ROBO4: variants seen among roughly 807,000 people sequenced by gnomAD.
ROBO4 encodes roundabout guidance receptor 4, also known as roundabout homolog 4.
A neutral mutation model predicts 103.3 loss-of-function variants in ROBO4; 80 were observed. The observed-to-expected ratio is 0.77, with a 90% CI of 0.65 to 0.93. ROBO4 has a LOEUF of 0.93. Ranked by LOEUF, ROBO4 falls within the 40% of genes least tolerant of loss-of-function variation. ROBO4 has a pLI of 0.00. For missense variants in ROBO4, 1,333 were observed against 1,305.3 expected (o/e 1.02, Z -0.33); for synonymous variants, 504 against 529.7 (o/e 0.95, Z 0.67).
chr11:124,896,942 C>T lies in ROBO4; in HGVS notation c.390G>A (p.Leu130=), dbSNP rs752522650. ...CCTCCCAGGCCTCACCAGCCACAGA[C>T]AGCCGAGCGCCTCTGCTGACTGCCG... ...LGTAVSRGAR[L]SVAVLREDFQ... Residue 130 remains leucine, a synonymous_variant, in exon 2 of 18, where the codon CTG becomes CTA. Transcript: ENST00000306534. 13 of 1,612,430 alleles carry T rather than the reference C, an allele frequency of 8.1e-6. No individual in the cohort carries two copies. The African/African-American group carries it at 1.1e-4, about 13-fold the overall frequency.
In ROBO4 at chr11:124,887,143, A is replaced by G; in HGVS notation, c.2269T>C (p.Cys757Arg). The change falls in exon 15 of 18, where the codon TGC (cysteine) becomes CGC (arginine). Residue 757 changes from cysteine (C) to arginine (R), a missense_variant. Coordinates refer to ENST00000306534, the MANE Select transcript of ROBO4 (RefSeq NM_019055.6). ...GAGGCCTGGGGGCTAGGGGGACTGC[A>G]GGGGCTAAGGATGGGGATGGGGGCT... The part of the protein sequence containing the change: ...PAAPIPILSP[C>R]SPPSPQASSL... 6.2e-7 allele frequency: 1 copy of G among 1,610,684 alleles called. No individual in the cohort carries two copies. Among genetic ancestry groups the G allele is most frequent in the Non-Finnish European group, 8.5e-7 (1 of 1,177,910 alleles).
At position 124,887,843 on chromosome 11, in the gene ROBO4, G is replaced by T; in HGVS notation, c.1949-3C>A. 2 of 1,611,070 alleles carry T rather than the reference G, an allele frequency of 1.2e-6. No homozygotes were observed. Among genetic ancestry groups the T allele is most frequent in the Non-Finnish European group, 1.7e-6 (2 of 1,178,932 alleles). On this transcript the variant is annotated splice_region_variant and splice_polypyrimidine_tract_variant and intron_variant, in intron 12 of 17. Transcript: ENST00000306534. ...GGAACTGTTGGCATGCTGCAGCTCT[G>T]CAAAGAAAGGGTTGGTGGTTGTGGG...
Position 124,894,362 on chromosome 11 carries a change from C to A in ROBO4, c.1157G>T (p.Ser386Ile). 1 of 1,611,848 alleles carries A rather than the reference C, an allele frequency of 6.2e-7. No homozygotes were observed. Among genetic ancestry groups the A allele is most frequent in the Non-Finnish European group, 8.5e-7 (1 of 1,179,300 alleles). ...NGIIRGYQVW[S>I]LGNTSLPPAN... is the part of the protein sequence containing the mutation. ...TGGTGGCAGTGATGTGTTGCCCAGG[C>A]TCCAGACCTGAGGCACAAGCAGAGG... Residue 386 changes from serine to isoleucine, a missense_variant, in exon 8 of 18, where the codon AGC becomes ATC. Physicochemically the swap from Ser to Ile is moderately radical, Grantham distance 142. Transcript: ENST00000306534.
chr11:124,885,127 A>G lies in ROBO4; in HGVS notation c.2915T>C (p.Leu972Pro). Residue 972 changes from leucine (L) to proline (P), a missense_variant, in exon 17 of 18, where the codon CTG becomes CCG. Transcript: ENST00000306534. ...EDMEVSHTQR[L>P]GRGMPPWPPD... ...GGGCCAGGGAGGCATCCCCCTTCCC[A>G]GCCGCTGGGTGTGGCTGACCTCCAT... is the stretch of plus-strand genomic sequence containing the variant. 1 of 1,614,132 alleles carries G rather than the reference A, an allele frequency of 6.2e-7. No individual in the cohort carries two copies.
chr11:124,887,990 C>T, intron 12 of ROBO4, 150 bp from the exon 13 acceptor site: 1 of 636,182 alleles, frequency 1.6e-6, no homozygotes, highest in South Asian at 2.1e-5. Flanking sequence ...TCCACACCCC[C>T]ATCTTCATCC....
Position 124,895,667 on chromosome 11 carries a change from G to A in ROBO4, c.826C>T (p.Pro276Ser). 1 of 1,612,826 alleles carries A rather than the reference G, an allele frequency of 6.2e-7. No individual in the cohort carries two copies. The highest frequency in any genetic ancestry group is 8.5e-7 in the Non-Finnish European group (1 of 1,179,016). Reference protein sequence around the residue: ...LSWKVSGPAAPAQSYTALFRT... With the variant: ...LSWKVSGPAASAQSYTALFRT... ...AACAAGGCCGTGTAAGATTGGGCAG[G>A]CGCAGCAGGGCCACTGACCTGGGAA... The change falls in exon 6 of 18, where the codon CCT becomes TCT. Residue 276 changes from proline to serine, a missense_variant. Pro to Ser is a moderately conservative substitution (Grantham distance 74). Coordinates refer to ENST00000306534, the MANE Select transcript of ROBO4 (RefSeq NM_019055.6).
chr11:124,895,526 C>T lies in ROBO4; in HGVS notation c.967G>A (p.Val323Met). Reference protein sequence around the residue: ...LHWGQDYEFKVRPSSGRARGP... With the variant: ...LHWGQDYEFKMRPSSGRARGP... ...CGAGCCCGGCCAGAGGATGGTCTCACTTTGAACTCGTAGTCTTGGCCCCAG... is the reference window on the plus strand; with the variant it reads ...CGAGCCCGGCCAGAGGATGGTCTCATTTTGAACTCGTAGTCTTGGCCCCAG... Residue 323 changes from valine (V) to methionine (M), a missense_variant, in exon 6 of 18, where the codon GTG becomes ATG. Val to Met is a conservative substitution (Grantham distance 21, BLOSUM62 1). Transcript: ENST00000306534. 6.2e-7 allele frequency: 1 copy of T among 1,612,146 alleles called. No homozygotes were observed. The highest frequency in any genetic ancestry group is 8.5e-7 in the Non-Finnish European group (1 of 1,180,022).
chr11:124,891,774 C>G lies in ROBO4; in HGVS notation c.1576G>C (p.Ala526Pro). The G allele has an allele frequency of 6.2e-7, 1 of 1,614,064 alleles. No individual in the cohort carries two copies. Among genetic ancestry groups the G allele is most frequent in the Non-Finnish European group, 8.5e-7 (1 of 1,180,010 alleles). ...CCAGAGGTGGAACGCCAAGTGTCTG[C>G]CAACCACTGGGAGTCACTGTGATCC... is the stretch of plus-strand genomic sequence containing the variant. ...RMDHSDSQWL[A>P]DTWRSTSGSR... is the part of the protein sequence containing the mutation. The change falls in exon 11 of 18, where the codon GCA becomes CCA. Residue 526 changes from alanine (A) to proline (P), a missense_variant. Coordinates refer to ENST00000306534, the MANE Select transcript of ROBO4 (RefSeq NM_019055.6).
At position 124,897,257 on chromosome 11, in the gene ROBO4, G is replaced by T; in HGVS notation, c.75C>A (p.Gly25=). 6.9e-7 allele frequency: 1 copy of T among 1,440,866 alleles called. No individual in the cohort carries two copies. Among genetic ancestry groups the T allele is most frequent in the Non-Finnish European group, 9.1e-7 (1 of 1,097,986 alleles). The allele number at this position is 1,440,866 out of a possible 1,614,324, so 89.3% of individuals were successfully genotyped here. Residue 25 remains glycine (G), a synonymous_variant, in exon 2 of 18, where the codon GGC becomes GGA. Transcript: ENST00000306534. ...LPLLLLLIMG[G]MAQDSPPQIL... ...TCTGGGGCGGGGAGTCCTGAGCCAT[G>T]CCTCCTGGGAGGGAAAGGGAGCAGA...
Position 124,884,537 on chromosome 11 carries a change from A to G in ROBO4, c.*354T>C. On this transcript the variant is annotated 3_prime_UTR_variant, in exon 18 of 18. Transcript: ENST00000306534. ...AGCCACTGCTGTCCTCCACAAAGGC[A>G]CCTCTGGCTCCTCCACTTCCTGTGA... The G allele has an allele frequency of 2.9e-6, 1 of 349,092 alleles. No homozygotes were observed. The highest frequency in any genetic ancestry group is 4.5e-5 in the South Asian group (1 of 22,124). The allele number at this position is 349,092 out of a possible 1,614,324, so 21.6% of individuals were successfully genotyped here.
At chr11:124,894,493 C>T in intron 7 of ROBO4, 124 bp from the exon 8 acceptor site, 1 of 896,126 alleles carries the variant, frequency 1.1e-6, no homozygotes, top group East Asian at 2.7e-5. Context: ...GGAATGCACC[C>T]AATTTCCTAT....
chr11:124,896,294 C>A lies in ROBO4; in HGVS notation c.583G>T (p.Ala195Ser). The change falls in exon 4 of 18, where the codon GCA becomes TCA. Residue 195 changes from alanine to serine, a missense_variant. Ala to Ser is a moderately conservative substitution (Grantham distance 99). Coordinates refer to ENST00000306534, the MANE Select transcript of ROBO4 (RefSeq NM_019055.6). The part of the protein sequence containing the change: ...HTVSGGSLLM[A>S]RAEKSDEGTY... ...CCTTCGTCACTCTTCTCTGCTCTTG[C>A]CATCAGCAGGGACCCCCCGGACACC... 6.2e-7 allele frequency: 1 copy of A among 1,614,144 alleles called. No individual in the cohort carries two copies. The highest frequency in any genetic ancestry group is 8.5e-7 in the Non-Finnish European group (1 of 1,180,026).
rs941234164 is a variant in ROBO4 at position 124,894,994 on chromosome 11, A to G, written c.1149+87T>C. 1.9e-5 allele frequency: 19 copies of G among 1,022,490 alleles called. No homozygotes were observed. The Admixed American group carries it at 2.7e-4, about 15-fold the overall frequency. 63.3% of individuals were successfully genotyped at this position (1,022,490 alleles called of 1,614,324 possible). On this transcript the variant is annotated intron_variant, in intron 7 of 17. Coordinates refer to ENST00000306534, the MANE Select transcript of ROBO4 (RefSeq NM_019055.6). ...GCTTCTCTGCCCAGGTACCTTTCTC[A>G]GTGCCCAGAGCAAGGGTATGCAGAA...
In ROBO4 at chr11:124,884,316, T is replaced by C. The variant is rs966687662; in HGVS notation, c.*575A>G. On this transcript the variant is annotated 3_prime_UTR_variant, in exon 18 of 18. Coordinates refer to ENST00000306534, the MANE Select transcript of ROBO4 (RefSeq NM_019055.6). ...ACCTACGGTCTCATACCTCCCTTCC[T>C]TCAGCATCCTCGCTAGACCCAGCCT... The C allele has an allele frequency of 1.9e-5, 3 of 154,824 alleles. No individual in the cohort carries two copies. Among genetic ancestry groups the C allele is most frequent in the African/African-American group, 7.2e-5 (3 of 41,494 alleles). The allele number at this position is 154,824 out of a possible 1,614,324, so 9.6% of individuals were successfully genotyped here.
Position 124,886,684 on chromosome 11 carries a change from GCA to G in ROBO4, c.2572_2573del (p.Cys858ProfsTer24). 6.2e-7 allele frequency: 1 copy of G among 1,612,708 alleles called. No individual in the cohort carries two copies. Among genetic ancestry groups the G allele is most frequent in the Non-Finnish European group, 8.5e-7 (1 of 1,178,952 alleles). On this transcript the variant is annotated frameshift_variant, in exon 16 of 18. Coordinates refer to ENST00000306534, the MANE Select transcript of ROBO4 (RefSeq NM_019055.6). LOFTEE classifies it high-confidence loss of function. ...GVGPKGGVLL[C>X]PPRPCLTPTP... ...TGGGGGTGAGGCAGGGCCGAGGTGG[GCA>G]CAGCAAGACTCCCCCCTTGGGCCCC...
At position 124,885,221 on chromosome 11, in the gene ROBO4, C is replaced by G; in HGVS notation, c.2821G>C (p.Asp941His). Reference protein sequence around the residue: ...IDASSPPSPRDEIFLTPNLSL... With the variant: ...IDASSPPSPRHEIFLTPNLSL... Reference sequence around the variant, plus strand: ...AGGTTGGGGGTCAGGAAGATCTCATCCCGTGGGGAGGGAGGTGATGAGGCA... The same window carrying G: ...AGGTTGGGGGTCAGGAAGATCTCATGCCGTGGGGAGGGAGGTGATGAGGCA... The change falls in exon 17 of 18, where the codon GAT (aspartate) becomes CAT (histidine). Residue 941 changes from aspartate (D) to histidine (H), a missense_variant. Coordinates refer to ENST00000306534, the MANE Select transcript of ROBO4 (RefSeq NM_019055.6). 6.2e-7 allele frequency: 1 copy of G among 1,612,788 alleles called. No individual in the cohort carries two copies. Among genetic ancestry groups the G allele is most frequent in the Non-Finnish European group, 8.5e-7 (1 of 1,179,994 alleles).
At chr11:124,893,543 A>G in intron 10 of ROBO4, 145 bp downstream of exon 10, 1 of 750,670 alleles carries the variant, frequency 1.3e-6, no homozygotes, top group Non-Finnish European at 2.4e-6. Context: ...AGAGAAATGA[A>G]CTATCAGTTG....
chr11:124,889,672 A>T (rs1209524355), intron 12 of ROBO4, among the ~76,000 whole-genome samples: 3 of 152,212 alleles, frequency 2.0e-5, no homozygotes, highest in African/African-American at 7.2e-5. Context: ...AATTGTGAGG[A>T]TATCAGCACT....
chr11:124,896,619 C>T lies in ROBO4; in HGVS notation c.452G>A (p.Gly151Asp), dbSNP rs1012442033. 2 of 1,614,160 alleles carry T rather than the reference C, an allele frequency of 1.2e-6. No individual in the cohort carries two copies. Among genetic ancestry groups the T allele is most frequent in the Non-Finnish European group, 1.7e-6 (2 of 1,180,010 alleles). The change falls in exon 3 of 18, where the codon GGT becomes GAT. Residue 151 changes from glycine to aspartate, a missense_variant. By Grantham distance (94) the Gly-to-Asp change is moderately conservative (BLOSUM62 -1). Coordinates refer to ENST00000306534, the MANE Select transcript of ROBO4 (RefSeq NM_019055.6). ...IQPRDMVAVV[G>D]EQFTLECGPP... ...CCCACATTCCAGAGTAAACTGCTCA[C>T]CCACCACAGCCACCATGTCCCGAGG...
Sources: gnomAD v4.1 joint callset for allele counts (sites outside exome capture counted in the v4.1 genomes callset) on GRCh38, gnomAD v4.1.1 for gene constraint, MANE v1.5 for transcripts, NCBI Gene and HGNC (gene_info 2026-07-23, HGNC 2026-07-21) for gene names.